The following SAMD12 variants were observed in gnomAD, a reference collection of about 807,000 sequenced individuals.
SAMD12 encodes the protein sterile alpha motif domain-containing protein 12.
SAMD12 carries 9 observed loss-of-function variants against 15.0 expected under a neutral mutation model. The observed-to-expected ratio is 0.60, with a 90% confidence interval of 0.36 to 1.05. The LOEUF is 1.05. Ranked by LOEUF, SAMD12 falls within the 50% of genes least tolerant of loss-of-function variation. The pLI is 0.01. For synonymous variants in SAMD12, 86 were observed against 90.1 expected (o/e 0.96, Z 0.25); for missense variants, 230 against 234.2 (o/e 0.98, Z 0.12).
chr8:118,252,861 T>C (rs919041975), intron 4 of SAMD12, among the ~76,000 whole-genome samples: 56 of 152,164 alleles, frequency 3.7e-4, no homozygotes, highest in African/African-American at 1.3e-3. Context: ...GTCCCACCTT[T>C]TATCCTTTGT....
the SAMD12 span, among the ~76,000 whole-genome samples, chr8:118,132,747 A>G: frequency 2.6e-5 from 4 of 151,906 alleles, no homozygotes; most frequent in Non-Finnish European, 5.9e-5. Context: ...GAGCCTTTCC[A>G]TCCATCTTCC....
At chr8:118,583,644 C>T (rs2131264394) in intron 1 of SAMD12, among the ~76,000 whole-genome samples, 1 of 152,170 alleles carries the variant, frequency 6.6e-6, no homozygotes, top group South Asian at 2.1e-4. Context: ...GGTCCCACCA[C>T]CTAGAAATGC....
At chr8:118,345,865 T>C (rs550658979) in intron 4 of SAMD12, among the ~76,000 whole-genome samples, 7 of 152,248 alleles carry the variant, frequency 4.6e-5, no homozygotes, top group Admixed American at 1.3e-4. Flanking sequence ...GATATGCAAA[T>C]ATAACTTTTG....
At chr8:118,499,381 T>C (rs1824714019) in intron 2 of SAMD12, among the ~76,000 whole-genome samples, 2 of 152,190 alleles carry the variant, frequency 1.3e-5, no homozygotes, top group Non-Finnish European at 2.9e-5. Context: ...AGTGACTTAC[T>C]GTAAAGAATA....
intron 2 of SAMD12, among the ~76,000 whole-genome samples, chr8:118,470,108 TTGAA>T (rs148479464): frequency 0.03 from 4,506 of 152,212 alleles, 199 homozygotes; most frequent in African/African-American, 0.1. Flanking sequence ...TAAATACTTG[TTGAA>T]TGAATGAATA....
the SAMD12 span, among the ~76,000 whole-genome samples, chr8:118,144,880 A>C: frequency 6.6e-6 from 1 of 152,234 alleles, no homozygotes; most frequent in East Asian, 1.9e-4. Context: ...CTCCAATGCA[A>C]CACAGCCCTA....
intron 3 of SAMD12, among the ~76,000 whole-genome samples, chr8:118,417,018 A>C (rs1821730788): frequency 6.6e-6 from 1 of 152,198 alleles, no homozygotes; most frequent in Non-Finnish European, 1.5e-5. Context: ...AAACTAGGTT[A>C]ATGAAGAAAT....
chr8:118,436,505 C>T (rs1233904177), intron 3 of SAMD12, among the ~76,000 whole-genome samples: 4 of 152,072 alleles, frequency 2.6e-5, no homozygotes, highest in Non-Finnish European at 5.9e-5. Flanking sequence ...CGTCACTGGA[C>T]CATGTGCCTC....
chr8:118,486,206 A>C (rs2131002193), intron 2 of SAMD12, among the ~76,000 whole-genome samples: 1 of 152,244 alleles, frequency 6.6e-6, no homozygotes, highest in East Asian at 1.9e-4. Flanking sequence ...CGAGGTCAGG[A>C]GATAGAGACC....
intron 2 of SAMD12, among the ~76,000 whole-genome samples, chr8:118,469,508 TA>T (rs1370269670): frequency 1.4e-3 from 2 of 1,436 alleles, no homozygotes; most frequent in East Asian, 0.013. Context: ...TATTTTTATA[TA>T]ATATATAATA....
chr8:118,621,899 T>G lies in SAMD12; in HGVS notation c.-83A>C, dbSNP rs1198939446. 6.8e-7 allele frequency: 1 copy of G among 1,471,472 alleles called. No homozygotes were observed. The highest frequency in any genetic ancestry group is 9.5e-7 in the Non-Finnish European group (1 of 1,050,042). 91.2% of individuals were successfully genotyped at this position (1,471,472 alleles called of 1,614,324 possible). ...CCCGCGCTCCCCCCTTCCTCTCGCT[T>G]TCGCCTAAATATTCTGCGCTTATCT... On this transcript the variant is annotated 5_prime_UTR_variant, in exon 1 of 4. Coordinates refer to ENST00000314727, the MANE Select transcript of SAMD12 (RefSeq NM_207506.3).
At chr8:118,390,792 G>C (rs545468300) in intron 3 of SAMD12, among the ~76,000 whole-genome samples, 69 of 152,190 alleles carry the variant, frequency 4.5e-4, no homozygotes, top group African/African-American at 7.9e-4. Context: ...GGAAGAGAAG[G>C]GTTAATGGAA....
intron 4 of SAMD12, among the ~76,000 whole-genome samples, chr8:118,334,036 C>G (rs553772744): frequency 1.3e-5 from 2 of 152,006 alleles, no homozygotes; most frequent in East Asian, 3.9e-4. Flanking sequence ...ATCCTGCAAA[C>G]CAATAATCCT....
At chr8:118,442,152 A>G (rs1022141922) in intron 2 of SAMD12, among the ~76,000 whole-genome samples, 2 of 152,204 alleles carry the variant, frequency 1.3e-5, no homozygotes, top group African/African-American at 4.8e-5. Context: ...TTTTAGGGTA[A>G]ATTGTTTTGC....
intron 4 of SAMD12, among the ~76,000 whole-genome samples, chr8:118,359,471 C>T (rs918218620): frequency 2.0e-5 from 3 of 152,182 alleles, no homozygotes; most frequent in African/African-American, 7.2e-5. Flanking sequence ...AGGACAGGGA[C>T]CATTTATATT....
At chr8:118,330,579 A>G (rs973377641) in intron 4 of SAMD12, among the ~76,000 whole-genome samples, 24 of 152,364 alleles carry the variant, frequency 1.6e-4, no homozygotes, top group Admixed American at 3.3e-4. Flanking sequence ...GAGAAATACA[A>G]AAGTTTAATG....
At chr8:118,595,399 A>C (rs1827699193) in intron 1 of SAMD12, among the ~76,000 whole-genome samples, 1 of 152,260 alleles carries the variant, frequency 6.6e-6, no homozygotes, top group Admixed American at 6.5e-5. Context: ...AAGATTAGCA[A>C]TTCATTTTAT....
At chr8:118,377,444 T>C (rs920304761), downstream of SAMD12, among the ~76,000 whole-genome samples, 4 of 151,296 alleles carry the variant, frequency 2.6e-5, no homozygotes, top group African/African-American at 4.9e-5. Flanking sequence ...GAACAAGCAA[T>C]AAAAAAGGTA....
intron 2 of SAMD12, among the ~76,000 whole-genome samples, chr8:118,491,652 A>G (rs1416878667): frequency 1.3e-5 from 2 of 152,144 alleles, no homozygotes; most frequent in Non-Finnish European, 2.9e-5. Context: ...CTATCATTAT[A>G]GAGTGGCTTT....
Sources: gnomAD v4.1 joint callset for allele counts (sites outside exome capture counted in the v4.1 genomes callset) on GRCh38, gnomAD v4.1.1 for gene constraint, MANE v1.5 for transcripts, NCBI Gene and HGNC (gene_info 2026-07-23, HGNC 2026-07-21) for gene names.